Variants in CDH18 observed in about 807,000 individuals in gnomAD.
The protein encoded by CDH18 is cadherin 18, also known as cadherin-18.
A neutral mutation model predicts 67.9 loss-of-function variants in CDH18; 31 were observed. The ratio of observed to expected loss-of-function variants is 0.46; its 90% CI spans 0.34 to 0.62. CDH18 has a LOEUF of 0.62. CDH18 is among the 20% of genes least tolerant of loss of function. The probability of loss-of-function intolerance (pLI) is 0.01; values close to 1 mark genes in which losing one functional copy is unlikely to be tolerated. For synonymous variants in CDH18, 362 were observed against 347.2 expected (o/e 1.04, Z -0.48); for missense variants, 890 against 975.5 (o/e 0.91, Z 1.17).
chr5:19,831,154 TAA>T (rs1780983982), intron 3 of CDH18, among the ~76,000 whole-genome samples: 1 of 152,022 alleles, frequency 6.6e-6, no homozygotes, highest in Admixed American at 6.6e-5. Context: ...TTTACCTATA[TAA>T]CAAACCTAAA....
At chr5:20,060,083 C>G (rs931253202) in intron 2 of CDH18, among the ~76,000 whole-genome samples, 1 of 152,006 alleles carries the variant, frequency 6.6e-6, no homozygotes, top group Non-Finnish European at 1.5e-5. Flanking sequence ...GTGTAACAAA[C>G]GTGCACATTC....
At chr5:20,305,899 A>G (rs1310778930) in intron 1 of CDH18, 3 of 170,200 alleles carry the variant, frequency 1.8e-5, no homozygotes, top group African/African-American at 7.2e-5. Flanking sequence ...TACCTATATT[A>G]AAACTTCAAC....
At chr5:19,857,215 C>CA (rs150757301) in intron 2 of CDH18, among the ~76,000 whole-genome samples, 133 of 148,942 alleles carry the variant, frequency 8.9e-4, no homozygotes, top group African/African-American at 3.1e-3. Context: ...GGGCATCAGA[C>CA]AGAGACCCTG....
rs143141984 is a variant in CDH18 at position 19,845,465 on chromosome 5, A to C, written c.-256-6223T>G. 1.1e-3 allele frequency among the ~76,000 whole-genome samples: 169 copies of C among 152,258 alleles called. 3 individuals carry two copies. Among genetic ancestry groups the C allele is most frequent in the Non-Finnish European group, 1.2e-4 (8 of 67,994 alleles). ...TCCTGGAAAATGGTTCATTTCTACTAGAGAAGAATGTGTGTTTTGATGCAG... is the reference window on the plus strand; with the variant it reads ...TCCTGGAAAATGGTTCATTTCTACTCGAGAAGAATGTGTGTTTTGATGCAG... On this transcript the variant is annotated intron_variant, in intron 2 of 12. Transcript: ENST00000382275.
chr5:20,565,256 A>G (rs1758434371), intron 1 of CDH18, among the ~76,000 whole-genome samples: 2 of 151,000 alleles, frequency 1.3e-5, no homozygotes, highest in Admixed American at 6.6e-5. Context: ...TGGGAACTCA[A>G]GTCAGGTTTC....
intron 4 of CDH18, among the ~76,000 whole-genome samples, chr5:19,746,057 T>A (rs1268433140): frequency 6.6e-6 from 1 of 152,154 alleles, no homozygotes; most frequent in East Asian, 1.9e-4. Context: ...CTTTACTCAA[T>A]AAATGTGTTA....
chr5:20,307,842 G>T (rs771389480), intron 1 of CDH18, among the ~76,000 whole-genome samples: 4 of 151,710 alleles, frequency 2.6e-5, no homozygotes, highest in Admixed American at 6.6e-5. Context: ...GCTGACACAG[G>T]GTCTAATATT....
At chr5:19,933,508 G>T (rs1385963689) in intron 2 of CDH18, among the ~76,000 whole-genome samples, 1 of 151,096 alleles carries the variant, frequency 6.6e-6, no homozygotes, top group African/African-American at 2.4e-5. Context: ...CCCAATTTTT[G>T]CCTTGAAAGC....
In CDH18 at chr5:19,721,411, G is replaced by T. The variant is rs1396808942; in HGVS notation, c.579C>A (p.Asn193Lys). The T allele has an allele frequency of 6.2e-7, 1 of 1,611,066 alleles. No individual in the cohort carries two copies. Among genetic ancestry groups the T allele is most frequent in the Non-Finnish European group, 8.5e-7 (1 of 1,177,700 alleles). The change falls in exon 5 of 13, where the codon AAC becomes AAA. Residue 193 changes from asparagine (N) to lysine (K), a missense_variant. Asn to Lys is a moderately conservative substitution (Grantham distance 94). This residue lies in a region of CDH18 where 234 missense variants were observed against 307.4 expected (regional missense o/e 0.76). Coordinates refer to ENST00000382275, the MANE Select transcript of CDH18 (RefSeq NM_004934.5). Reference sequence around the variant, plus strand: ...GAATGCTGTAAACCACCCGAGCGCTGTTTCCATAGGTAGGGTCATCTGCAT... The same window carrying T: ...GAATGCTGTAAACCACCCGAGCGCTTTTTCCATAGGTAGGGTCATCTGCAT... ...ATDADDPTYGNSARVVYSILQ... is the reference protein window; with the variant it reads ...ATDADDPTYGKSARVVYSILQ...
intron 2 of CDH18, among the ~76,000 whole-genome samples, chr5:19,890,028 T>C (rs552740620): frequency 6.6e-6 from 1 of 152,264 alleles, no homozygotes; most frequent in African/African-American, 2.4e-5. Flanking sequence ...TATAATCAAA[T>C]TACCACAAAC....
chr5:19,811,859 A>T (rs1710338110), intron 3 of CDH18, among the ~76,000 whole-genome samples: 2 of 152,206 alleles, frequency 1.3e-5, no homozygotes, highest in Admixed American at 1.3e-4. Flanking sequence ...ACAAAGAAGA[A>T]AAAAATGACC....
intron 7 of CDH18, among the ~76,000 whole-genome samples, chr5:19,574,505 A>G (rs1253509942): frequency 6.6e-6 from 1 of 152,194 alleles, no homozygotes; most frequent in African/African-American, 2.4e-5. Flanking sequence ...TTGCCGGTAC[A>G]GGGAAACTGT....
rs1749853663 is a variant in CDH18 at position 19,616,440 on chromosome 5, T to C, written c.644-3839A>G. 2.0e-5 allele frequency among the ~76,000 whole-genome samples: 3 copies of C among 152,150 alleles called. No individual in the cohort carries two copies. In the South Asian group the frequency reaches 6.2e-4, roughly 31 times the overall value. On this transcript the variant is annotated intron_variant, in intron 5 of 12. Coordinates refer to ENST00000382275, the MANE Select transcript of CDH18 (RefSeq NM_004934.5). Reference sequence around the variant, plus strand: ...CAGGCAAAATGATCATATGCAATGATTTTCTCAGGAAATTTTCAGATTACC... The same window carrying C: ...CAGGCAAAATGATCATATGCAATGACTTTCTCAGGAAATTTTCAGATTACC...
chr5:19,905,672 A>G (rs1278098082), intron 2 of CDH18, among the ~76,000 whole-genome samples: 3 of 151,952 alleles, frequency 2.0e-5, no homozygotes, highest in Admixed American at 6.6e-5. Flanking sequence ...CTTTAAAATA[A>G]TTGTTAGGCT....
chr5:20,026,651 G>A (rs532480434), intron 2 of CDH18, among the ~76,000 whole-genome samples: 10 of 152,222 alleles, frequency 6.6e-5, no homozygotes, highest in African/African-American at 2.4e-4. Context: ...TGAGCAATAA[G>A]GTTAACATAG....
chr5:20,368,543 T>C (rs1410459386), intron 1 of CDH18, among the ~76,000 whole-genome samples: 2 of 152,170 alleles, frequency 1.3e-5, no homozygotes, highest in African/African-American at 4.8e-5. Flanking sequence ...ATATCTGAAT[T>C]TTTTGAGGAG....
Position 19,591,112 on chromosome 5 carries a change from A to G in CDH18, c.944T>C (p.Ile315Thr), listed in dbSNP as rs781090684. 2 of 1,611,346 alleles carry G rather than the reference A, an allele frequency of 1.2e-6. No homozygotes were observed. Among genetic ancestry groups the G allele is most frequent in the South Asian group, 1.1e-5 (1 of 90,852 alleles). ...YSIINGDGMG[I>T]FSISTDKETR... is the part of the protein sequence containing the mutation. ...CTCTTTGTCAGTGGAGATTGAGAAT[A>G]TTCCCATGCCATCACCATTTATGAT... The change falls in exon 7 of 13, where the codon ATA (isoleucine) becomes ACA (threonine). Residue 315 changes from isoleucine to threonine, a missense_variant. Around this residue, in one of 2 missense-constraint regions of CDH18, gnomAD observed 656 missense variants for 668.1 expected, o/e 0.98. Coordinates refer to ENST00000382275, the MANE Select transcript of CDH18 (RefSeq NM_004934.5).
chr5:20,072,440 C>A (rs2150527316), intron 2 of CDH18, among the ~76,000 whole-genome samples: 1 of 152,062 alleles, frequency 6.6e-6, no homozygotes, highest in East Asian at 1.9e-4. Context: ...AAAATTCACA[C>A]CTTTGAGATA....
intron 3 of CDH18, among the ~76,000 whole-genome samples, chr5:19,763,678 C>T (rs568325166): frequency 2.0e-5 from 3 of 151,738 alleles, no homozygotes; most frequent in Admixed American, 6.6e-5. Context: ...TTTGGAGCAA[C>T]GAAATTGGAT....
Sources: gnomAD v4.1 joint callset for allele counts (sites outside exome capture counted in the v4.1 genomes callset) on GRCh38, gnomAD v4.1.1 for gene constraint, gnomAD v4.1.1 regional missense constraint, MANE v1.5 for transcripts, NCBI Gene and HGNC (gene_info 2026-07-23, HGNC 2026-07-21) for gene names.